Variants in CA5A observed in about 807,000 individuals in gnomAD.
CA5A encodes the protein carbonic anhydrase 5A, mitochondrial.
In CA5A, 28 loss-of-function variants were observed where a neutral mutation model predicts 37.1. The observed-to-expected ratio is 0.75, with a 90% CI of 0.56 to 1.03. The LOEUF is 1.03. Among genes scored for constraint, CA5A ranks in the 50% least tolerant of loss-of-function variants. The pLI, the probability that CA5A is intolerant of heterozygous loss-of-function variation, is 0.00. For synonymous variants in CA5A, 171 were observed against 158.4 expected, an observed-to-expected ratio of 1.08 and a Z score of -0.60; for missense variants, 444 against 399.9, an observed-to-expected ratio of 1.11 and a Z score of -0.94.
intron 2 of CA5A, among the ~76,000 whole-genome samples, chr16:87,908,635 G>A (rs886996192): frequency 7.9e-5 from 12 of 152,146 alleles, no homozygotes; most frequent in Admixed American, 2.6e-4. Context: ...GGCCAGGAAC[G>A]GGAGCTGCTG....
At chr16:87,910,988 G>C (rs1374499622) in intron 2 of CA5A, among the ~76,000 whole-genome samples, 1 of 151,346 alleles carries the variant, frequency 6.6e-6, no homozygotes, top group African/African-American at 2.4e-5. Flanking sequence ...GACCTCAAGG[G>C]ATCTGCCGCC....
chr16:87,915,678 G>T, intron 2 of CA5A, among the ~76,000 whole-genome samples: 1 of 102,802 alleles, frequency 9.7e-6, no homozygotes, highest in East Asian at 3.5e-4. Context: ...GACAGAGCAA[G>T]ATCCTGTCTC....
At chr16:87,913,949 C>T (rs1315419584) in intron 2 of CA5A, among the ~76,000 whole-genome samples, 2 of 152,226 alleles carry the variant, frequency 1.3e-5, no homozygotes, top group African/African-American at 2.4e-5. Flanking sequence ...ATGTTCACCA[C>T]AAGAGGCGTG....
chr16:87,919,187 G>A (rs1462452377), intron 2 of CA5A, among the ~76,000 whole-genome samples: 1 of 152,220 alleles, frequency 6.6e-6, no homozygotes, highest in Admixed American at 6.5e-5. Flanking sequence ...CAGCAGCAGT[G>A]GCCTTGGACC....
intron 1 of CA5A, among the ~76,000 whole-genome samples, chr16:87,928,736 C>T (rs1461964853): frequency 1.5e-5 from 2 of 135,606 alleles, no homozygotes; most frequent in Non-Finnish European, 3.2e-5. Context: ...TCTGTATTCT[C>T]ATCTGGATTA....
intron 2 of CA5A, among the ~76,000 whole-genome samples, chr16:87,917,743 ATG>A (rs2056172040): frequency 1.0e-5 from 1 of 97,722 alleles, no homozygotes; most frequent in South Asian, 4.0e-4. Context: ...ATGAACACAC[ATG>A]CACACATGTA....
chr16:87,899,991 A>G (rs1597551677), intron 5 of CA5A, among the ~76,000 whole-genome samples: 2 of 146,188 alleles, frequency 1.4e-5, no homozygotes, highest in South Asian at 2.3e-4. Context: ...GGATGAGCCC[A>G]GAGATCAGCA....
At position 87,936,309 on chromosome 16, in the gene CA5A, A is replaced by G. The variant is rs2056470068; in HGVS notation, c.142T>C (p.Leu48=). ...TTAGGAAATTTGAGGCTCTACTTAC[A>G]AGTGTTATTGCTGGTTTGCCATGCA... The part of the protein sequence containing the change: ...SCAWQTSNNT[L]HPLWTVPVSV... Residue 48 remains leucine, a splice_region_variant and synonymous_variant, in exon 1 of 7, where the codon TTG becomes CTG. Transcript: ENST00000649794. 1 of 1,610,536 alleles carries G rather than the reference A, an allele frequency of 6.2e-7. No individual in the cohort carries two copies. Among genetic ancestry groups the G allele is most frequent in the South Asian group, 1.1e-5 (1 of 90,980 alleles).
Position 87,930,877 on chromosome 16 carries a change from G to A in CA5A, c.143-3932C>T, listed in dbSNP as rs539292033. On this transcript the variant is annotated intron_variant, in intron 1 of 6. Coordinates refer to ENST00000649794, the MANE Select transcript of CA5A (RefSeq NM_001739.2). Reference sequence around the variant, plus strand: ...TGCCTCAGCCTCCCAAGTAGCTGGGGTTACAGGCATGTGCCACCACGCCTG... The same window carrying A: ...TGCCTCAGCCTCCCAAGTAGCTGGGATTACAGGCATGTGCCACCACGCCTG... Among the ~76,000 whole-genome samples the A allele has an allele frequency of 1.9e-3, 285 of 151,536 alleles. 1 individual carries two copies. Among genetic ancestry groups the A allele is most frequent in the African/African-American group, 6.7e-3 (275 of 41,318 alleles).
At chr16:87,908,720 T>C (rs1180710316) in intron 2 of CA5A, among the ~76,000 whole-genome samples, 3 of 152,210 alleles carry the variant, frequency 2.0e-5, no homozygotes, top group Non-Finnish European at 4.4e-5. Context: ...TGGAAGACTT[T>C]CCCAAGGGTT....
At chr16:87,887,793 A>C (rs4843728), downstream of CA5A, 67,190 of 211,270 alleles carry the variant, frequency 0.32, 12,084 homozygotes, top group African/African-American at 0.52. Flanking sequence ...AGCAGCCGTG[A>C]GGACACCTTG....
At chr16:87,930,994 C>T (rs2056395058) in intron 1 of CA5A, among the ~76,000 whole-genome samples, 1 of 151,936 alleles carries the variant, frequency 6.6e-6, no homozygotes, top group Non-Finnish European at 1.5e-5. Context: ...CTGCCTCGGC[C>T]TCCCAAAGTG....
intron 2 of CA5A, among the ~76,000 whole-genome samples, chr16:87,915,685 T>G (rs2056129145): frequency 9.5e-6 from 1 of 105,240 alleles, no homozygotes. Flanking sequence ...CAAGATCCTG[T>G]CTCCAAAAAA....
chr16:87,918,464 G>A (rs984065860), intron 2 of CA5A, among the ~76,000 whole-genome samples: 5 of 139,612 alleles, frequency 3.6e-5, no homozygotes, highest in African/African-American at 1.1e-4. Context: ...AGCCCTTGCC[G>A]CCACCTCTGT....
intron 1 of CA5A, among the ~76,000 whole-genome samples, chr16:87,928,121 G>A (rs187489868): frequency 6.6e-6 from 1 of 152,238 alleles, no homozygotes; most frequent in African/African-American, 2.4e-5. Flanking sequence ...TGTGGCTCCT[G>A]TCCTCACCTT....
intron 5 of CA5A, among the ~76,000 whole-genome samples, chr16:87,900,023 C>T (rs936982213): frequency 2.7e-5 from 4 of 149,696 alleles, no homozygotes; most frequent in East Asian, 2.0e-4. Flanking sequence ...GCTCAGTCCG[C>T]GGTGGCACTT....
intron 2 of CA5A, 127 bp downstream of exon 2, chr16:87,926,621 T>G: frequency 1.4e-6 from 1 of 735,608 alleles, no homozygotes; most frequent in Non-Finnish European, 2.3e-6. Flanking sequence ...CGAGTCTCTG[T>G]CCCTGCCCCA....
At chr16:87,931,851 A>G (rs1255616821) in intron 1 of CA5A, among the ~76,000 whole-genome samples, 3 of 152,228 alleles carry the variant, frequency 2.0e-5, no homozygotes, top group Non-Finnish European at 4.4e-5. Context: ...GGCGGCCACA[A>G]CAGGGGCCTC....
Position 87,888,080 on chromosome 16 carries a change from G to A in CA5A, c.*49C>T, listed in dbSNP as rs773938671. On this transcript the variant is annotated 3_prime_UTR_variant, in exon 7 of 7. Coordinates refer to ENST00000649794, the MANE Select transcript of CA5A (RefSeq NM_001739.2). ...CACATTGTGAAACTTGGGAAACAACGCTTCCTTCCTTCAAAGTCAGTTCTG... is the reference window on the plus strand; with the variant it reads ...CACATTGTGAAACTTGGGAAACAACACTTCCTTCCTTCAAAGTCAGTTCTG... 8 of 1,534,186 alleles carry A rather than the reference G, an allele frequency of 5.2e-6. No individual in the cohort carries two copies. The highest frequency in any genetic ancestry group is 2.1e-5 in the Admixed American group (1 of 47,836).
Sources: allele counts gnomAD v4.1 joint callset (sites outside exome capture counted in the v4.1 genomes callset), GRCh38; gene constraint gnomAD v4.1.1; transcripts MANE v1.5; gene names NCBI Gene and HGNC (gene_info 2026-07-23, HGNC 2026-07-21).